Variants in CDH12 observed in about 807,000 individuals in gnomAD.
The protein encoded by CDH12 is cadherin 12.
A neutral mutation model predicts 74.1 loss-of-function variants in CDH12; 41 were observed. The ratio of observed to expected loss-of-function variants is 0.55; its 90% CI spans 0.43 to 0.72. The LOEUF is 0.72. Ranked by LOEUF, CDH12 falls within the 30% of genes least tolerant of loss-of-function variation. The probability of loss-of-function intolerance (pLI) is 0.00; values close to 1 mark genes in which losing one functional copy is unlikely to be tolerated. For missense variants in CDH12, 945 were observed against 977.2 expected, an observed-to-expected ratio of 0.97 and a Z score of 0.44; for synonymous variants, 399 against 355.0, an observed-to-expected ratio of 1.12 and a Z score of -1.39.
chr5:21,758,701 C>T (rs923734731), intron 13 of CDH12, among the ~76,000 whole-genome samples: 4 of 151,990 alleles, frequency 2.6e-5, no homozygotes, highest in Non-Finnish European at 4.4e-5. Context: ...AATGTAGTAG[C>T]GTTAGCAGTA....
rs369725207 is a variant in CDH12 at position 22,153,872 on chromosome 5, G to GTATATA, written c.-187+58620_-187+58625dup. On this transcript the variant is annotated intron_variant, in intron 4 of 14. Coordinates refer to ENST00000382254, the MANE Select transcript of CDH12 (RefSeq NM_004061.5). Reference sequence around the variant, plus strand: ...TATGTGTGTGTGTATATATATATATGTATATATATATATATAAATATATAT... The same window carrying GTATATA: ...TATGTGTGTGTGTATATATATATATGTATATATATATATATATATATAAATATATAT... Among the ~76,000 whole-genome samples, 387 of 123,486 alleles carry GTATATA rather than the reference G, an allele frequency of 3.1e-3. 1 individual carries two copies. The highest frequency in any genetic ancestry group is 4.2e-3 in the Admixed American group (53 of 12,486). The allele number at this position is 123,486 out of a possible 152,430, so 81.0% of individuals were successfully genotyped here. A position where few individuals can be genotyped will look rare whatever the true frequency, so the allele number is the denominator to read the frequency against.
At chr5:22,290,332 A>T (rs1282240320) in intron 3 of CDH12, among the ~76,000 whole-genome samples, 1 of 152,170 alleles carries the variant, frequency 6.6e-6, no homozygotes, top group African/African-American at 2.4e-5. Context: ...CACAAAAAAA[A>T]TTGAAAATTA....
intron 1 of CDH12, among the ~76,000 whole-genome samples, chr5:22,654,704 C>T (rs569465865): frequency 5.3e-5 from 8 of 151,492 alleles, no homozygotes; most frequent in Admixed American, 2.6e-4. Context: ...GTCTCCATCT[C>T]GGCTCACTGC....
In CDH12 at chr5:22,641,526, C is replaced by T. The variant is rs1033193454; in HGVS notation, c.-522-136162G>A. 2.0e-5 allele frequency among the ~76,000 whole-genome samples: 3 copies of T among 152,112 alleles called. No individual in the cohort carries two copies. The South Asian group carries it at 6.2e-4, about 32-fold the overall frequency. Reference sequence around the variant, plus strand: ...GTCACCCTCACAGGCCCACCCAGAGCAGCACTTTACCGGTTCGCTAGCTAT... The same window carrying T: ...GTCACCCTCACAGGCCCACCCAGAGTAGCACTTTACCGGTTCGCTAGCTAT... On this transcript the variant is annotated intron_variant, in intron 1 of 14. Transcript: ENST00000382254.
intron 3 of CDH12, among the ~76,000 whole-genome samples, chr5:22,354,759 C>T (rs1355596771): frequency 6.6e-6 from 1 of 152,078 alleles, no homozygotes; most frequent in African/African-American, 2.4e-5. Flanking sequence ...ACCACGGTTG[C>T]TTATTAAAGG....
intron 8 of CDH12, among the ~76,000 whole-genome samples, chr5:21,827,658 A>T (rs1748756953): frequency 6.6e-6 from 1 of 152,172 alleles, no homozygotes; most frequent in Non-Finnish European, 1.5e-5. Flanking sequence ...TTTAAAGCAA[A>T]TGCATCAGAA....
intron 1 of CDH12, among the ~76,000 whole-genome samples, chr5:22,519,980 G>T (rs1736980173): frequency 6.6e-6 from 1 of 151,770 alleles, no homozygotes; most frequent in African/African-American, 2.4e-5. Context: ...TTTCTCTCTG[G>T]TTTAAGAGAT....
In CDH12 at chr5:22,565,546, T is replaced by C. The variant is rs111952067; in HGVS notation, c.-522-60182A>G. ...GCTGTTCTCCAAAACATAAATTATATGCAATCATTTGCTGCCCAACATATG... is the reference window on the plus strand; with the variant it reads ...GCTGTTCTCCAAAACATAAATTATACGCAATCATTTGCTGCCCAACATATG... On this transcript the variant is annotated intron_variant, in intron 1 of 14. Transcript: ENST00000382254. Among the ~76,000 whole-genome samples, 306 of 152,364 alleles carry C rather than the reference T, an allele frequency of 2.0e-3. 1 individual carries two copies. Among genetic ancestry groups the C allele is most frequent in the Admixed American group, 4.1e-3 (63 of 15,308 alleles).
intron 1 of CDH12, among the ~76,000 whole-genome samples, chr5:22,524,479 C>T (rs758362879): frequency 5.3e-5 from 8 of 152,114 alleles, no homozygotes; most frequent in South Asian, 2.1e-4. Flanking sequence ...TATTTTAAAA[C>T]GGCCAAGCAC....
chr5:22,742,520 T>G (rs1229344933), intron 1 of CDH12, among the ~76,000 whole-genome samples: 1 of 152,086 alleles, frequency 6.6e-6, no homozygotes, highest in Non-Finnish European at 1.5e-5. Context: ...TGGGTTACTC[T>G]GCTATGTATC....
chr5:22,574,073 CTTTTTTTTTTTTT>C (rs543910610), intron 1 of CDH12, among the ~76,000 whole-genome samples: 1 of 87,442 alleles, frequency 1.1e-5, no homozygotes, highest in South Asian at 4.1e-4. Flanking sequence ...GTCTCTCTCT[CTTTTTTTTTTTTT>C]TTTTTTTTTT....
chr5:21,833,795 A>G (rs989874039), intron 8 of CDH12, among the ~76,000 whole-genome samples: 2 of 151,740 alleles, frequency 1.3e-5, no homozygotes, highest in African/African-American at 2.4e-5. Context: ...GTCAGTTGAA[A>G]CAGAACTTCC....
chr5:22,175,378 A>G (rs375642320), intron 4 of CDH12, among the ~76,000 whole-genome samples: 1 of 151,848 alleles, frequency 6.6e-6, no homozygotes, highest in African/African-American at 2.4e-5. Flanking sequence ...TTCTGTGTCT[A>G]TCAGGTTATT....
At chr5:21,910,985 T>C (rs1233380075) in intron 6 of CDH12, among the ~76,000 whole-genome samples, 2 of 152,186 alleles carry the variant, frequency 1.3e-5, no homozygotes, top group Non-Finnish European at 2.9e-5. Context: ...TTAAAGGCCT[T>C]AGCCTTGTTA....
At chr5:21,883,256 G>T in intron 6 of CDH12, 1 of 1,354,110 alleles carries the variant, frequency 7.4e-7, no homozygotes, top group Non-Finnish European at 1.1e-6. Flanking sequence ...TTGATTGAGG[G>T]TATATTTCTC....
At chr5:21,871,593 C>T (rs1213073492) in intron 6 of CDH12, among the ~76,000 whole-genome samples, 2 of 152,016 alleles carry the variant, frequency 1.3e-5, no homozygotes, top group Non-Finnish European at 2.9e-5. Flanking sequence ...ATTAGCTGGG[C>T]GTGGTGGCAC....
intron 8 of CDH12, among the ~76,000 whole-genome samples, chr5:21,833,017 G>GATATGAT (rs1749166222): frequency 3.3e-5 from 1 of 29,884 alleles, no homozygotes; most frequent in Non-Finnish European, 4.7e-5. Flanking sequence ...TATAATATAT[G>GATATGAT]ATATAATATA....
intron 3 of CDH12, among the ~76,000 whole-genome samples, chr5:22,360,855 A>G (rs978694831): frequency 6.6e-6 from 1 of 152,206 alleles, no homozygotes; most frequent in African/African-American, 2.4e-5. Context: ...ATAGATGCAG[A>G]AAAGGCCTTT....
At chr5:22,357,535 A>G (rs905534611) in intron 3 of CDH12, among the ~76,000 whole-genome samples, 12 of 152,162 alleles carry the variant, frequency 7.9e-5, no homozygotes, top group African/African-American at 2.9e-4. Flanking sequence ...AATGGAGAAA[A>G]TGATTGTCAA....
Sources: allele counts gnomAD v4.1 joint callset (sites outside exome capture counted in the v4.1 genomes callset), GRCh38; gene constraint gnomAD v4.1.1; transcripts MANE v1.5; gene names NCBI Gene and HGNC (gene_info 2026-07-23, HGNC 2026-07-21).